Variants in ATRNL1 observed in about 807,000 individuals in gnomAD.
ATRNL1 encodes attractin-like protein 1.
In ATRNL1, 95 loss-of-function variants were observed where a neutral mutation model predicts 182.7. The ratio of observed to expected loss-of-function variants is 0.52; its 90% CI spans 0.44 to 0.62. ATRNL1 has a LOEUF of 0.62. Ranked by LOEUF, ATRNL1 falls within the 20% of genes least tolerant of loss-of-function variation. The pLI is 0.00. For synonymous variants in ATRNL1, 576 were observed against 568.3 expected (o/e 1.01, Z -0.19); for missense variants, 1,471 against 1,679.5 (o/e 0.88, Z 2.17).
intron 28 of ATRNL1, among the ~76,000 whole-genome samples, chr10:115,916,224 G>A (rs1952845685): frequency 1.3e-5 from 2 of 152,198 alleles, no homozygotes; most frequent in Admixed American, 1.3e-4. Flanking sequence ...TGACTGCTGG[G>A]AGGCAATGAC....
intron 13 of ATRNL1, among the ~76,000 whole-genome samples, chr10:115,272,464 G>C (rs555892000): frequency 3.8e-4 from 58 of 152,158 alleles, no homozygotes; most frequent in Non-Finnish European, 7.2e-4. Flanking sequence ...CAATTCTATG[G>C]AATCAGTGTT....
intron 3 of ATRNL1, among the ~76,000 whole-genome samples, chr10:115,122,997 CCAT>C (rs1160577242): frequency 6.6e-6 from 1 of 152,066 alleles, no homozygotes; most frequent in African/African-American, 2.4e-5. Context: ...CGTTGACTGA[CCAT>C]CATTTAGATG....
chr10:115,193,770 G>T (rs557821580), intron 8 of ATRNL1, among the ~76,000 whole-genome samples: 2 of 150,544 alleles, frequency 1.3e-5, no homozygotes, highest in Non-Finnish European at 3.0e-5. Flanking sequence ...TTCTCTTTGT[G>T]TTCTTTAAGA....
chr10:115,675,756 C>T (rs904083701), intron 26 of ATRNL1, among the ~76,000 whole-genome samples: 56 of 152,080 alleles, frequency 3.7e-4, no homozygotes, highest in African/African-American at 1.3e-3. Flanking sequence ...TTTATGAGTG[C>T]TACTGTGTGC....
chr10:115,889,014 T>C (rs1479771384), intron 28 of ATRNL1, among the ~76,000 whole-genome samples: 1 of 152,210 alleles, frequency 6.6e-6, no homozygotes, highest in Non-Finnish European at 1.5e-5. Flanking sequence ...TGAAAACTAG[T>C]CATCTCTACC....
At chr10:115,502,009 G>A (rs563322064) in intron 24 of ATRNL1, among the ~76,000 whole-genome samples, 259 of 152,090 alleles carry the variant, frequency 1.7e-3, no homozygotes, top group Non-Finnish European at 3.3e-3. Flanking sequence ...AATTGTCCTT[G>A]GATTACAAAA....
intron 19 of ATRNL1, among the ~76,000 whole-genome samples, chr10:115,370,081 CT>C (rs1327985088): frequency 6.6e-6 from 1 of 152,164 alleles, no homozygotes; most frequent in Non-Finnish European, 1.5e-5. Context: ...GGGAGTTTCC[CT>C]GCACAAAATC....
chr10:115,591,393 G>T (rs1555012192), intron 26 of ATRNL1, among the ~76,000 whole-genome samples: 1 of 152,130 alleles, frequency 6.6e-6, no homozygotes, highest in Non-Finnish European at 1.5e-5. Context: ...GCCCTCTGGA[G>T]ACTAGAGAGG....
At chr10:115,821,852 A>G (rs1950306927) in intron 27 of ATRNL1, among the ~76,000 whole-genome samples, 1 of 152,212 alleles carries the variant, frequency 6.6e-6, no homozygotes, top group South Asian at 2.1e-4. Context: ...TTAACACCCC[A>G]CTGTCAATGT....
At chr10:115,701,405 AC>A (rs2133995632) in intron 26 of ATRNL1, among the ~76,000 whole-genome samples, 1 of 152,140 alleles carries the variant, frequency 6.6e-6, no homozygotes, top group Non-Finnish European at 1.5e-5. Flanking sequence ...AACTAGAAAA[AC>A]AAAAACTAAC....
At chr10:115,570,999 A>G (rs1291831498) in intron 26 of ATRNL1, among the ~76,000 whole-genome samples, 5 of 152,128 alleles carry the variant, frequency 3.3e-5, no homozygotes, top group Non-Finnish European at 5.9e-5. Context: ...TCTCTCCCCA[A>G]CATGGCACCG....
Position 115,469,329 on chromosome 10 carries a change from G to C in ATRNL1, c.3654G>C (p.Gln1218His). The C allele has an allele frequency of 4.0e-6, 6 of 1,514,222 alleles. No individual in the cohort carries two copies. Among genetic ancestry groups the C allele is most frequent in the Non-Finnish European group, 5.3e-6 (6 of 1,132,076 alleles). The allele number at this position is 1,514,222 out of a possible 1,614,324, so 93.8% of individuals were successfully genotyped here. A position where few individuals can be genotyped will look rare whatever the true frequency, so the allele number is the denominator to read the frequency against. Reference sequence around the variant, plus strand: ...ACTTTTCCTGGCCTATTAAAATACAGGTAAGTGTTAAGAGTATTTACTTCT... The same window carrying C: ...ACTTTTCCTGGCCTATTAAAATACACGTAAGTGTTAAGAGTATTTACTTCT... ...VSNFSWPIKIQIAFSQHNTIM... is the reference protein window; with the variant it reads ...VSNFSWPIKIHIAFSQHNTIM... The change falls in exon 24 of 29, where the codon CAG becomes CAC. Residue 1218 changes from glutamine (Q) to histidine (H), a missense_variant and splice_region_variant. This residue lies in a region of ATRNL1 where 437 missense variants were observed against 506.0 expected (regional missense o/e 0.86). Transcript: ENST00000355044.
chr10:115,172,745 A>G (rs1382664326), intron 8 of ATRNL1, among the ~76,000 whole-genome samples: 5 of 151,398 alleles, frequency 3.3e-5, no homozygotes, highest in Non-Finnish European at 7.4e-5. Flanking sequence ...TTTTTTGTCC[A>G]TATTTCTAAC....
Position 115,946,965 on chromosome 10 carries a change from A to G in ATRNL1, c.*2186A>G, listed in dbSNP as rs559031873. On this transcript the variant is annotated 3_prime_UTR_variant, in exon 29 of 29. Coordinates refer to ENST00000355044, the MANE Select transcript of ATRNL1 (RefSeq NM_207303.4). ...TACTGTGGAAGAATTATCAAGTTTT[A>G]TTCACCTCAAATCCCACTGGGTTCT... is the stretch of plus-strand genomic sequence containing the variant. 6.6e-6 allele frequency: 1 copy of G among 152,610 alleles called. No homozygotes were observed. The highest frequency in any genetic ancestry group is 2.4e-5 in the African/African-American group (1 of 41,574). 9.5% of individuals were successfully genotyped at this position (152,610 alleles called of 1,614,324 possible).
chr10:115,657,973 T>C (rs1452331788), intron 26 of ATRNL1, among the ~76,000 whole-genome samples: 1 of 152,050 alleles, frequency 6.6e-6, no homozygotes, highest in Non-Finnish European at 1.5e-5. Flanking sequence ...AAATATATTC[T>C]CATAAATCTT....
At chr10:115,624,675 C>T (rs1421247656) in intron 26 of ATRNL1, among the ~76,000 whole-genome samples, 1 of 151,970 alleles carries the variant, frequency 6.6e-6, no homozygotes, top group Non-Finnish European at 1.5e-5. Flanking sequence ...ATCTGCAAAC[C>T]CTGCAAATGA....
chr10:115,093,466 T>C lies in ATRNL1; in HGVS notation c.-285T>C. ...GCCGGGCGCAGTCTGCGCCTCCCGCTCCCCGCCTCCGGCCGGGTCCGGGAC... is the reference window on the plus strand; with the variant it reads ...GCCGGGCGCAGTCTGCGCCTCCCGCCCCCCGCCTCCGGCCGGGTCCGGGAC... On this transcript the variant is annotated 5_prime_UTR_variant, in exon 1 of 29. Transcript: ENST00000355044. This position sits in a 1 kb window ranked among gnomAD's most constrained non-coding sequence, Gnocchi z 6.1. 1.7e-6 allele frequency: 1 copy of C among 576,750 alleles called. No individual in the cohort carries two copies. Among genetic ancestry groups the C allele is most frequent in the East Asian group, 4.2e-5 (1 of 23,732 alleles). 35.7% of individuals were successfully genotyped at this position (576,750 alleles called of 1,614,324 possible).
At chr10:115,827,637 G>T (rs1950466106) in intron 27 of ATRNL1, among the ~76,000 whole-genome samples, 1 of 152,122 alleles carries the variant, frequency 6.6e-6, no homozygotes, top group African/African-American at 2.4e-5. Context: ...CATCCTAATG[G>T]ATGTACCAAA....
rs71010046 is a variant in ATRNL1, at chr10:115,738,154, T to TTTTTTTTTTTTTTTTTTTTTTTTTTC, written c.3903+10801_3903+10802insTTTTTTTTTTTTTTTTTTTTTTTCTT. ...TTTTTTTTTTTTTTTTTTTTTTTTT[T>TTTTTTTTTTTTTTTTTTTTTTTTTTC]TTGAGATGGAGTCCTGCTCTGTCGC... On this transcript the variant is annotated intron_variant, in intron 27 of 28. Transcript: ENST00000355044. Among the ~76,000 whole-genome samples the TTTTTTTTTTTTTTTTTTTTTTTTTTC allele has an allele frequency of 7.0e-4, 45 of 63,912 alleles. 12 individuals are homozygous for TTTTTTTTTTTTTTTTTTTTTTTTTTC. The highest frequency in any genetic ancestry group is 4.3e-3 in the Admixed American group (16 of 3,694). The allele number at this position is 63,912 out of a possible 152,430, so 41.9% of individuals were successfully genotyped here.
Sources: allele counts gnomAD v4.1 joint callset (sites outside exome capture counted in the v4.1 genomes callset), GRCh38; gene constraint gnomAD v4.1.1; regional missense constraint gnomAD v4.1.1; non-coding constraint Gnocchi (gnomAD v3.1); transcripts MANE v1.5; gene names NCBI Gene and HGNC (gene_info 2026-07-23, HGNC 2026-07-21).